Variants in EIF4G3 observed in about 807,000 individuals in gnomAD.
The protein encoded by EIF4G3 is eIF-4-gamma 3.
In EIF4G3, 34 loss-of-function variants were observed where a neutral mutation model predicts 186.4. That is an observed-to-expected ratio of 0.18 (90% confidence interval 0.14 to 0.24). The LOEUF is 0.24. EIF4G3 is among the 10% of genes least tolerant of loss of function. The pLI, the probability that EIF4G3 is intolerant of heterozygous loss-of-function variation, is 1.00. For missense variants in EIF4G3, 1,536 were observed against 1,948.5 expected (o/e 0.79, Z 3.99); for synonymous variants, 673 against 679.5 (o/e 0.99, Z 0.15).
At chr1:21,156,243 T>C (rs1349472354) in intron 2 of EIF4G3, among the ~76,000 whole-genome samples, 1 of 152,208 alleles carries the variant, frequency 6.6e-6, no homozygotes, top group Admixed American at 6.5e-5. Flanking sequence ...GAATCTATTC[T>C]GGATAGTTTA....
In EIF4G3 at chr1:20,810,984, C is replaced by G; in HGVS notation, c.4598-100G>C. On this transcript the variant is annotated intron_variant, in intron 35 of 36. Transcript: ENST00000602326. The surrounding 1 kb of genome is among the most constrained non-coding windows in gnomAD (Gnocchi z 4.1). ...TCTTTTTTTGAGACAGAGCCTCACT[C>G]TATTGCCCAGGCTGGAGTGCAGTGG... 1 of 1,219,078 alleles carries G rather than the reference C, an allele frequency of 8.2e-7. No homozygotes were observed. The highest frequency in any genetic ancestry group is 1.1e-6 in the Non-Finnish European group (1 of 886,790). 75.5% of individuals were successfully genotyped at this position (1,219,078 alleles called of 1,614,324 possible). A position where few individuals can be genotyped will look rare whatever the true frequency, so the allele number is the denominator to read the frequency against.
intron 2 of EIF4G3, among the ~76,000 whole-genome samples, chr1:21,143,519 G>A (rs2097377240): frequency 6.6e-6 from 1 of 152,132 alleles, no homozygotes; most frequent in South Asian, 2.1e-4. Context: ...GTTAACCAAG[G>A]AGGTGTGCAA....
rs554314851 is a variant in EIF4G3, at chr1:21,120,153, A to G, written c.-271-30940T>C. ...CACAATGGAGAAAATTAAAATATAC[A>G]TACTAGATAAATGATGCTGTCACTT... On this transcript the variant is annotated intron_variant, in intron 2 of 36. Transcript: ENST00000602326. Among the ~76,000 whole-genome samples, 4 of 149,950 alleles carry G rather than the reference A, an allele frequency of 2.7e-5. No homozygotes were observed. The South Asian group carries it at 8.6e-4, about 32-fold the overall frequency.
At chr1:20,909,437 A>C (rs578137552) in intron 14 of EIF4G3, among the ~76,000 whole-genome samples, 2 of 152,348 alleles carry the variant, frequency 1.3e-5, no homozygotes, top group East Asian at 3.9e-4. Context: ...TCACTGGCAT[A>C]ATCTCCCTTT....
At chr1:20,859,758 T>C (rs1392538743) in intron 24 of EIF4G3, among the ~76,000 whole-genome samples, 2 of 151,932 alleles carry the variant, frequency 1.3e-5, no homozygotes, top group Non-Finnish European at 2.9e-5. Flanking sequence ...CATCACTATG[T>C]CCAGCAAATT....
chr1:20,874,431 G>C (rs1337345344), intron 20 of EIF4G3, among the ~76,000 whole-genome samples: 1 of 152,074 alleles, frequency 6.6e-6, no homozygotes, highest in African/African-American at 2.4e-5. Context: ...CAGTGATGTT[G>C]AACTTTTTTT....
chr1:20,882,176 T>TACACACACACACACACACACACACACAC (rs138208807), intron 19 of EIF4G3, among the ~76,000 whole-genome samples: 1 of 86,956 alleles, frequency 1.2e-5, no homozygotes, highest in African/African-American at 3.4e-5. Context: ...AAAGAAAAAT[T>TACACACACACACACACACACACACACAC]ACACACACAC....
intron 12 of EIF4G3, among the ~76,000 whole-genome samples, chr1:20,960,993 T>C (rs1429397002): frequency 1.3e-5 from 2 of 152,216 alleles, no homozygotes; most frequent in Non-Finnish European, 2.9e-5. Context: ...ACTTCTTAAC[T>C]TCACAGAATA....
At chr1:20,869,950 C>A (rs2078736949) in intron 20 of EIF4G3, among the ~76,000 whole-genome samples, 1 of 152,062 alleles carries the variant, frequency 6.6e-6, no homozygotes, top group African/African-American at 2.4e-5. Context: ...ACTCTGCATA[C>A]TATGAACACA....
intron 13 of EIF4G3, among the ~76,000 whole-genome samples, chr1:20,946,438 A>G (rs2095952325): frequency 6.6e-6 from 1 of 152,220 alleles, no homozygotes; most frequent in Non-Finnish European, 1.5e-5. Flanking sequence ...TTCTCTCTAC[A>G]AACCAATGTG....
At chr1:20,992,749 C>T (rs2081390228) in intron 7 of EIF4G3, among the ~76,000 whole-genome samples, 1 of 152,124 alleles carries the variant, frequency 6.6e-6, no homozygotes, top group Admixed American at 6.5e-5. Context: ...GAAAAGACTA[C>T]TTAGTCATAG....
chr1:21,087,198 A>G (rs528432899), intron 3 of EIF4G3, among the ~76,000 whole-genome samples: 3 of 152,302 alleles, frequency 2.0e-5, no homozygotes, highest in East Asian at 3.9e-4. Context: ...CACAGGAATA[A>G]ATGGTATGTT....
At chr1:20,965,071 C>T (rs2074311629) in intron 12 of EIF4G3, among the ~76,000 whole-genome samples, 1 of 152,136 alleles carries the variant, frequency 6.6e-6, no homozygotes, top group Non-Finnish European at 1.5e-5. Flanking sequence ...CTGTTTCATG[C>T]ATTTTGGTTT....
chr1:21,010,790 C>G (rs2086814989), intron 4 of EIF4G3, among the ~76,000 whole-genome samples: 1 of 152,236 alleles, frequency 6.6e-6, no homozygotes, highest in Non-Finnish European at 1.5e-5. Flanking sequence ...CAATAATATC[C>G]AACAAACAAG....
chr1:21,163,996 ACT>A (rs1427664576), intron 2 of EIF4G3, among the ~76,000 whole-genome samples: 14 of 151,790 alleles, frequency 9.2e-5, no homozygotes, highest in African/African-American at 3.1e-4. Context: ...CTGGTCTCGT[ACT>A]CCTGACCTTA....
At chr1:20,924,592 A>C (rs1006994438) in intron 14 of EIF4G3, among the ~76,000 whole-genome samples, 1 of 152,130 alleles carries the variant, frequency 6.6e-6, no homozygotes, top group Non-Finnish European at 1.5e-5. Context: ...ATGGAGTCTC[A>C]CTCTGGTCGC....
At chr1:21,169,361 T>C (rs547215706) in intron 2 of EIF4G3, among the ~76,000 whole-genome samples, 27 of 151,902 alleles carry the variant, frequency 1.8e-4, no homozygotes, top group Admixed American at 7.2e-4. Flanking sequence ...TGAGGCAGAA[T>C]TGTTTGAACC....
chr1:20,986,405 TC>T (rs2079472138), intron 7 of EIF4G3, among the ~76,000 whole-genome samples: 2 of 152,304 alleles, frequency 1.3e-5, no homozygotes, highest in South Asian at 4.1e-4. Context: ...CAGTGTGTAC[TC>T]TTACAATTGT....
At chr1:21,100,647 G>A (rs1343324946) in intron 2 of EIF4G3, among the ~76,000 whole-genome samples, 1 of 152,048 alleles carries the variant, frequency 6.6e-6, no homozygotes. Flanking sequence ...AGGATCCCTT[G>A]AGCCCATGAA....
Sources: allele counts gnomAD v4.1 joint callset (sites outside exome capture counted in the v4.1 genomes callset), GRCh38; gene constraint gnomAD v4.1.1; non-coding constraint Gnocchi (gnomAD v3.1); transcripts MANE v1.5; gene names NCBI Gene and HGNC (gene_info 2026-07-23, HGNC 2026-07-21).